ACSL3: variants seen among roughly 807,000 people sequenced by gnomAD.
ACSL3 encodes acyl-CoA synthetase long chain family member 3.
Under a neutral mutation model 84.7 loss-of-function variants are expected in ACSL3, and 34 were observed. The ratio of observed to expected loss-of-function variants is 0.40; its 90% CI spans 0.31 to 0.53. The LOEUF (loss-of-function observed/expected upper bound fraction) is 0.53. Ranked by LOEUF, ACSL3 falls within the 20% of genes least tolerant of loss-of-function variation. The pLI is 0.48. For synonymous variants in ACSL3, 315 were observed against 299.4 expected (o/e 1.05, Z -0.54); for missense variants, 680 against 873.1 (o/e 0.78, Z 2.79).
rs1344394572 is a variant in ACSL3, at chr2:222,919,103, A to G, written c.706A>G (p.Thr236Ala). ...SLVPRLRHIITVDGKPPTWSE... is the reference protein window; with the variant it reads ...SLVPRLRHIIAVDGKPPTWSE... The stretch of plus-strand genomic sequence containing the variant: ...GGTCCCACGCCTGCGGCACATCATC[A>G]CTGTTGATGGAAAGCCACCGACCTG... The change falls in exon 7 of 17, where the codon ACT becomes GCT. Residue 236 changes from threonine to alanine, a missense_variant. By Grantham distance (58) the Thr-to-Ala change is moderately conservative (BLOSUM62 0). Transcript: ENST00000357430. The G allele has an allele frequency of 1.9e-6, 3 of 1,614,062 alleles. No individual in the cohort carries two copies. The highest frequency in any genetic ancestry group is 2.2e-5 in the South Asian group (2 of 91,076).
intron 2 of ACSL3, among the ~76,000 whole-genome samples, chr2:222,894,375 G>A (rs1053132279): frequency 6.6e-6 from 1 of 152,142 alleles, no homozygotes; most frequent in Non-Finnish European, 1.5e-5. Context: ...TAAAATATAA[G>A]ATGTAAATAA....
rs758966790 is a variant in ACSL3 at position 222,908,891 on chromosome 2, C to T, written c.119C>T (p.Pro40Leu). 15 of 1,611,120 alleles carry T rather than the reference C, an allele frequency of 9.3e-6. No homozygotes were observed. The highest frequency in any genetic ancestry group is 1.7e-5 in the Admixed American group (1 of 59,732). ...CTTTATACTATTTTAACATACATTC[C>T]GTTTTATTTTTTCTCCGAGTCAAGA... ...ISLYTILTYI[P>L]FYFFSESRQE... The change falls in exon 4 of 17, where the codon CCG becomes CTG. Residue 40 changes from proline (P) to leucine (L), a missense_variant. By Grantham distance (98) the Pro-to-Leu change is moderately conservative. Coordinates refer to ENST00000357430, the MANE Select transcript of ACSL3 (RefSeq NM_004457.5).
chr2:222,879,303 G>A lies in ACSL3; in HGVS notation c.-206-8527G>A, dbSNP rs142187094. On this transcript the variant is annotated intron_variant, in intron 1 of 16. Transcript: ENST00000357430. ...ACTATACTCCAGCCTGGGGGACAGA[G>A]CGAGACTGTCTCAAAAAAATAAAAT... is the stretch of plus-strand genomic sequence containing the variant. Among the ~76,000 whole-genome samples the A allele has an allele frequency of 2.8e-3, 421 of 152,304 alleles. 1 individual carries two copies. The highest frequency in any genetic ancestry group is 9.4e-3 in the African/African-American group (392 of 41,564).
chr2:222,881,607 C>T (rs1695593362), intron 1 of ACSL3, among the ~76,000 whole-genome samples: 1 of 152,194 alleles, frequency 6.6e-6, no homozygotes, highest in Admixed American at 6.5e-5. Context: ...ACCTCCGCTT[C>T]CCGGGTTCAA....
chr2:222,911,213 C>A (rs1169614841), intron 4 of ACSL3, among the ~76,000 whole-genome samples: 1 of 152,114 alleles, frequency 6.6e-6, no homozygotes, highest in Non-Finnish European at 1.5e-5. Flanking sequence ...CCACGTCCGG[C>A]TAATTTTGTG....
At chr2:222,901,599 A>T (rs10932977) in intron 3 of ACSL3, among the ~76,000 whole-genome samples, 56,866 of 151,936 alleles carry the variant, frequency 0.37, 11,628 homozygotes, top group East Asian at 0.77. Context: ...CAGCTTTTAT[A>T]CAGCTGAGAT....
rs1300059008 is a variant in ACSL3 at position 222,944,318 on chromosome 2, A to G, written c.*2664A>G. ...TTTTTAAACAACCAGTCCCTGTGAT[A>G]CAACTTTGAAAAAACTTTTAAAAAT... On this transcript the variant is annotated 3_prime_UTR_variant, in exon 17 of 17. Transcript: ENST00000357430. The G allele has an allele frequency of 6.6e-6, 1 of 152,298 alleles. No homozygotes were observed. The highest frequency in any genetic ancestry group is 1.5e-5 in the Non-Finnish European group (1 of 68,004). 9.4% of individuals were successfully genotyped at this position (152,298 alleles called of 1,614,324 possible). A position where few individuals can be genotyped will look rare whatever the true frequency, so the allele number is the denominator to read the frequency against.
chr2:222,935,796 A>G (rs767047278), intron 16 of ACSL3, among the ~76,000 whole-genome samples: 10 of 152,168 alleles, frequency 6.6e-5, no homozygotes, highest in African/African-American at 2.4e-4. Flanking sequence ...ATAACGTTCA[A>G]TTTACTATCT....
intron 1 of ACSL3, among the ~76,000 whole-genome samples, chr2:222,876,536 G>T (rs1695454857): frequency 6.6e-6 from 1 of 151,928 alleles, no homozygotes; most frequent in Non-Finnish European, 1.5e-5. Flanking sequence ...TGTCCAGGCT[G>T]GTCTTGAACG....
At chr2:222,898,605 A>T (rs543458284) in intron 2 of ACSL3, among the ~76,000 whole-genome samples, 7 of 152,330 alleles carry the variant, frequency 4.6e-5, no homozygotes, top group Non-Finnish European at 1.0e-4. Flanking sequence ...CGGGCGGATC[A>T]CGAGGTAGGA....
At chr2:222,933,374 G>A (rs940818824) in intron 15 of ACSL3, 94 bp downstream of exon 15, 17 of 848,664 alleles carry the variant, frequency 2.0e-5, no homozygotes, top group Admixed American at 1.6e-4. Flanking sequence ...AAAATGTTCC[G>A]AGAACTCTTC....
chr2:222,890,512 A>T (rs2106102273), intron 2 of ACSL3, among the ~76,000 whole-genome samples: 1 of 152,256 alleles, frequency 6.6e-6, no homozygotes, highest in African/African-American at 2.4e-5. Context: ...TACTTTGTTC[A>T]TTAGATTTAC....
intron 1 of ACSL3, among the ~76,000 whole-genome samples, chr2:222,879,533 T>C (rs529738497): frequency 6.6e-6 from 1 of 152,222 alleles, no homozygotes; most frequent in Admixed American, 6.5e-5. Flanking sequence ...TTTATTCAGC[T>C]TTGTCTGTGG....
rs1697341395 is a variant in ACSL3, at chr2:222,942,554, ATTGAG to A, written c.*903_*907del. Reference sequence around the variant, plus strand: ...TGAATATTTCGTTGACTATATGTACATTGAGTTATCTATATTTGTAAACAAATTAG... The same window carrying A: ...TGAATATTTCGTTGACTATATGTACATTATCTATATTTGTAAACAAATTAG... On this transcript the variant is annotated 3_prime_UTR_variant, in exon 17 of 17. Coordinates refer to ENST00000357430, the MANE Select transcript of ACSL3 (RefSeq NM_004457.5). 1 of 195,626 alleles carries A rather than the reference ATTGAG, an allele frequency of 5.1e-6. No individual in the cohort carries two copies. Among genetic ancestry groups the A allele is most frequent in the Admixed American group, 6.1e-5 (1 of 16,438 alleles). 12.1% of individuals were successfully genotyped at this position (195,626 alleles called of 1,614,324 possible). A position where few individuals can be genotyped will look rare whatever the true frequency, so the allele number is the denominator to read the frequency against.
intron 1 of ACSL3, among the ~76,000 whole-genome samples, chr2:222,880,147 G>A (rs572716165): frequency 3.3e-5 from 5 of 152,214 alleles, no homozygotes; most frequent in South Asian, 4.1e-4. Flanking sequence ...TTAACAATTC[G>A]TGTTTTGATA....
chr2:222,870,454 A>G (rs1469080593), intron 1 of ACSL3, among the ~76,000 whole-genome samples: 1 of 152,218 alleles, frequency 6.6e-6, no homozygotes, highest in Non-Finnish European at 1.5e-5. Context: ...TCTGCATTCT[A>G]TATTGAGATG....
At chr2:222,938,325 CATT>C (rs1334099409) in intron 16 of ACSL3, among the ~76,000 whole-genome samples, 1 of 152,060 alleles carries the variant, frequency 6.6e-6, no homozygotes, top group Non-Finnish European at 1.5e-5. Flanking sequence ...GTACTCCTAT[CATT>C]ATTTTTTGTA....
chr2:222,913,782 T>G (rs183836391), intron 4 of ACSL3, among the ~76,000 whole-genome samples: 57 of 152,338 alleles, frequency 3.7e-4, no homozygotes, highest in Admixed American at 3.5e-3. Flanking sequence ...TCCCATTACT[T>G]ATTAGTTACA....
At chr2:222,921,097 T>C (rs1457300870) in intron 7 of ACSL3, 183 bp from the exon 8 acceptor site, 1 of 719,754 alleles carries the variant, frequency 1.4e-6, no homozygotes, top group South Asian at 1.5e-5. Flanking sequence ...CTCAATAGAA[T>C]ATATCTCCCA....
Sources: gnomAD v4.1 joint callset for allele counts (sites outside exome capture counted in the v4.1 genomes callset) on GRCh38, gnomAD v4.1.1 for gene constraint, MANE v1.5 for transcripts, NCBI Gene and HGNC (gene_info 2026-07-23, HGNC 2026-07-21) for gene names.